RBM33: variants seen among roughly 807,000 people sequenced by gnomAD.
The protein encoded by RBM33 is RNA-binding protein 33.
A neutral mutation model predicts 132.6 loss-of-function variants in RBM33; 28 were observed. The ratio of observed to expected loss-of-function variants is 0.21; its 90% confidence interval spans 0.16 to 0.29. The LOEUF (loss-of-function observed/expected upper bound fraction) is 0.29, where lower values mean the gene tolerates loss of function less well. Among genes scored for constraint, RBM33 ranks in the 10% least tolerant of loss-of-function variants. The probability of loss-of-function intolerance (pLI) is 1.00; values close to 1 mark genes in which losing one functional copy is unlikely to be tolerated. For missense variants in RBM33, 1,291 were observed against 1,518.5 expected (o/e 0.85, Z 2.49); for synonymous variants, 634 against 593.0 (o/e 1.07, Z -1.01).
Position 155,706,926 on chromosome 7 carries a change from G to A in RBM33, c.806G>A (p.Gly269Glu), listed in dbSNP as rs1800131788. ...FEERERQHKQ[G>E]RYSSRRGGRR... ...GAAAGGGAGCGACAGCATAAACAAG[G>A]ACGCTACAGCTCCAGGCGGGGAGGA... is the stretch of plus-strand genomic sequence containing the variant. Residue 269 changes from glycine to glutamate, a missense_variant, in exon 7 of 18, where the codon GGA becomes GAA. Around this residue, in one of 7 missense-constraint regions of RBM33, gnomAD observed 34 missense variants for 46.5 expected, o/e 0.73. Transcript: ENST00000401878. The A allele has an allele frequency of 1.2e-6, 2 of 1,607,164 alleles. No homozygotes were observed. The highest frequency in any genetic ancestry group is 2.2e-5 in the South Asian group (2 of 89,166).
chr7:155,752,381 A>G (rs577231613), intron 14 of RBM33, among the ~76,000 whole-genome samples: 1 of 152,328 alleles, frequency 6.6e-6, no homozygotes, highest in Non-Finnish European at 1.5e-5. Flanking sequence ...ATTTTTTGAA[A>G]TAGGTCATTG....
At chr7:155,681,695 G>C (rs745694002) in intron 5 of RBM33, among the ~76,000 whole-genome samples, 1 of 152,104 alleles carries the variant, frequency 6.6e-6, no homozygotes, top group Non-Finnish European at 1.5e-5. Flanking sequence ...TGTTGGGATG[G>C]TGACAGAAGT....
chr7:155,770,714 A>G (rs1802399140), intron 16 of RBM33, among the ~76,000 whole-genome samples: 1 of 148,766 alleles, frequency 6.7e-6, no homozygotes, highest in African/African-American at 2.5e-5. Flanking sequence ...GTAACATTTT[A>G]GTTATCTTTA....
chr7:155,771,053 C>T (rs1039265619), intron 16 of RBM33, among the ~76,000 whole-genome samples: 2 of 152,130 alleles, frequency 1.3e-5, no homozygotes, highest in African/African-American at 4.8e-5. Context: ...AGCTGGTGTG[C>T]CAGGCTTTCC....
At position 155,706,867 on chromosome 7, in the gene RBM33, A is replaced by T; in HGVS notation, c.747A>T (p.Ser249=). The T allele has an allele frequency of 6.2e-6, 10 of 1,600,642 alleles. No individual in the cohort carries two copies. Among genetic ancestry groups the T allele is most frequent in the African/African-American group, 1.3e-5 (1 of 74,828 alleles). ...ACACATTTTTTCACATAGAGCTTTC[A>T]GCAGAGGCCAAGGCAGCATTGCTTG... ...RRNIPETLEL[S]AEAKAALLEF... The change falls in exon 7 of 18, where the codon TCA becomes TCT. Residue 249 remains serine (S), a synonymous_variant. Transcript: ENST00000401878.
chr7:155,745,303 G>A lies in RBM33; in HGVS notation c.2680G>A (p.Val894Ile). ...CGTTCAGCCCAAAACATCCAATTTT[G>A]TACCATCCAGTGCCAACATGCAGTA... ...SNVQPKTSNF[V>I]PSSANMQYQG... Residue 894 changes from valine to isoleucine, a missense_variant, in exon 14 of 18, where the codon GTA becomes ATA. By Grantham distance (29) the Val-to-Ile change is conservative. This residue lies in a region of RBM33 where 841 missense variants were observed against 912.0 expected (regional missense o/e 0.92). Transcript: ENST00000401878. The surrounding 1 kb of genome is among the most constrained non-coding windows in gnomAD (Gnocchi z 4.1). The A allele has an allele frequency of 6.2e-7, 1 of 1,612,896 alleles. No individual in the cohort carries two copies. Among genetic ancestry groups the A allele is most frequent in the East Asian group, 2.2e-5 (1 of 44,872 alleles).
intron 16 of RBM33, among the ~76,000 whole-genome samples, chr7:155,768,859 C>T (rs941544001): frequency 7.2e-5 from 11 of 152,026 alleles, no homozygotes; most frequent in African/African-American, 4.8e-5. Context: ...GTGATCCGCC[C>T]GCCTCAGCCT....
chr7:155,746,719 A>G (rs150940993), intron 14 of RBM33: 2 of 152,314 alleles, frequency 1.3e-5, no homozygotes, highest in South Asian at 2.1e-4. Flanking sequence ...AACAAATACT[A>G]TGGTCTCTGT....
chr7:155,769,270 A>T (rs906160962), intron 16 of RBM33, among the ~76,000 whole-genome samples: 1 of 152,084 alleles, frequency 6.6e-6, no homozygotes, highest in Non-Finnish European at 1.5e-5. Flanking sequence ...CCTGGGTGTC[A>T]TCTGGAAGGA....
Position 155,739,813 on chromosome 7 carries a change from G to A in RBM33, c.1836G>A (p.Pro612=), listed in dbSNP as rs749763123. Residue 612 remains proline (P), a synonymous_variant, in exon 12 of 18, where the codon CCG becomes CCA. Coordinates refer to ENST00000401878, the MANE Select transcript of RBM33 (RefSeq NM_053043.3). ...AGCACCAGCCTCCGCACCAGCCCCC[G>A]CACCAGCCCCCGCCCCAGCACCAGC... The part of the protein sequence containing the change: ...PPQHQPPHQP[P]HQPPPQHQPP... The A allele has an allele frequency of 2.5e-5, 9 of 362,028 alleles. No homozygotes were observed. Among genetic ancestry groups the A allele is most frequent in the African/African-American group, 1.4e-4 (2 of 14,264 alleles). The allele number at this position is 362,028 out of a possible 1,614,324, so 22.4% of individuals were successfully genotyped here.
chr7:155,765,679 G>A (rs1802191236), intron 15 of RBM33, among the ~76,000 whole-genome samples: 1 of 152,132 alleles, frequency 6.6e-6, no homozygotes, highest in African/African-American at 2.4e-5. Flanking sequence ...GGCTACATTG[G>A]GCACATATGT....
chr7:155,648,536 T>C (rs115196199), intron 1 of RBM33, among the ~76,000 whole-genome samples: 2,650 of 152,306 alleles, frequency 0.017, 74 homozygotes, highest in African/African-American at 0.06. Context: ...AAAATTTACC[T>C]GGTAGGAAAT....
intron 2 of RBM33, among the ~76,000 whole-genome samples, chr7:155,668,688 A>G (rs1454124477): frequency 6.6e-6 from 1 of 152,234 alleles, no homozygotes; most frequent in Non-Finnish European, 1.5e-5. Context: ...AGACAGGGTA[A>G]GTGATTGAGT....
At position 155,766,628 on chromosome 7, in the gene RBM33, C is replaced by T; in HGVS notation, c.3348C>T (p.Ser1116=). The change falls in exon 16 of 18, where the codon AGC becomes AGT. Residue 1116 remains serine (S), a synonymous_variant. Transcript: ENST00000401878. ...SSSTTDAQLK[S]LLMSVGPIQS... ...CCACCACGGATGCCCAGCTGAAGAG[C>T]CTGCTGATGTCAGTGGGACCCATTC... is the stretch of plus-strand genomic sequence containing the variant. 1 of 1,611,972 alleles carries T rather than the reference C, an allele frequency of 6.2e-7. No individual in the cohort carries two copies. Among genetic ancestry groups the T allele is most frequent in the Non-Finnish European group, 8.5e-7 (1 of 1,179,072 alleles).
intron 5 of RBM33, among the ~76,000 whole-genome samples, chr7:155,700,195 G>T (rs955994011): frequency 2.0e-5 from 3 of 152,190 alleles, no homozygotes; most frequent in Non-Finnish European, 4.4e-5. Flanking sequence ...AATAGTCTCA[G>T]TCAAAGATAG....
intron 2 of RBM33, 111 bp downstream of exon 2, chr7:155,665,364 C>G: frequency 2.2e-6 from 2 of 898,928 alleles, no homozygotes; most frequent in South Asian, 1.4e-5. Context: ...CTGGCGCTCT[C>G]TCTTGAGTGG....
At chr7:155,660,131 T>C (rs931934990) in intron 1 of RBM33, among the ~76,000 whole-genome samples, 2 of 152,046 alleles carry the variant, frequency 1.3e-5, no homozygotes, top group Non-Finnish European at 2.9e-5. Flanking sequence ...CTACAGTGAG[T>C]CAGTCATAGC....
intron 16 of RBM33, among the ~76,000 whole-genome samples, chr7:155,768,034 C>T (rs986146130): frequency 5.3e-5 from 8 of 152,210 alleles, no homozygotes; most frequent in African/African-American, 1.9e-4. Context: ...CGAGGCCTCA[C>T]GTGTGTGGCC....
At chr7:155,661,089 G>C (rs1233544245) in intron 1 of RBM33, among the ~76,000 whole-genome samples, 1 of 140,626 alleles carries the variant, frequency 7.1e-6, no homozygotes. Context: ...ATTTCTGTGT[G>C]TGTGTGTGGT....
Sources: gnomAD v4.1 joint callset for allele counts (sites outside exome capture counted in the v4.1 genomes callset) on GRCh38, gnomAD v4.1.1 for gene constraint, gnomAD v4.1.1 regional missense constraint, Gnocchi (gnomAD v3.1) non-coding constraint, MANE v1.5 for transcripts, NCBI Gene and HGNC (gene_info 2026-07-23, HGNC 2026-07-21) for gene names.